Variants in MAST4 observed in about 807,000 individuals in gnomAD.
MAST4 encodes microtubule associated serine/threonine kinase family member 4.
A neutral mutation model predicts 162.7 loss-of-function variants in MAST4; 89 were observed. The observed-to-expected ratio is 0.55, with a 90% CI of 0.46 to 0.65. The LOEUF (loss-of-function observed/expected upper bound fraction) is 0.65, where lower values mean the gene tolerates loss of function less well. Ranked by LOEUF, MAST4 falls within the 30% of genes least tolerant of loss-of-function variation. MAST4 has a pLI of 0.00. For missense variants in MAST4, 3,153 were observed against 3,374.0 expected, an observed-to-expected ratio of 0.93 and a Z score of 1.62; for synonymous variants, 1,479 against 1,361.1, an observed-to-expected ratio of 1.09 and a Z score of -1.91.
intron 1 of MAST4, among the ~76,000 whole-genome samples, chr5:66,648,077 T>TGA (rs1347864859): frequency 1.0e-5 from 1 of 99,000 alleles, no homozygotes; most frequent in Non-Finnish European, 2.0e-5. Context: ...TGTGTGTGTG[T>TGA]GTGTGTGAGA....
At chr5:67,043,228 G>T (rs1756978235) in intron 4 of MAST4, among the ~76,000 whole-genome samples, 2 of 152,292 alleles carry the variant, frequency 1.3e-5, no homozygotes, top group South Asian at 4.1e-4. Flanking sequence ...AAATTAAATA[G>T]TTCTAGTGGT....
chr5:67,012,454 A>G (rs1752804451), intron 4 of MAST4, among the ~76,000 whole-genome samples: 1 of 152,176 alleles, frequency 6.6e-6, no homozygotes, highest in South Asian at 2.1e-4. Flanking sequence ...TGTTAATCTG[A>G]GCTGTCTTCA....
chr5:66,869,313 G>A (rs1233855426), intron 3 of MAST4, among the ~76,000 whole-genome samples: 2 of 152,166 alleles, frequency 1.3e-5, no homozygotes, highest in African/African-American at 4.8e-5. Context: ...TATTTCTCAT[G>A]TGAAAACTCT....
intron 4 of MAST4, among the ~76,000 whole-genome samples, chr5:66,901,305 GT>G (rs1561428138): frequency 6.6e-6 from 1 of 150,886 alleles, no homozygotes; most frequent in African/African-American, 2.4e-5. Flanking sequence ...CATGGGTTTT[GT>G]TTTTTGTTTC....
intron 4 of MAST4, among the ~76,000 whole-genome samples, chr5:66,941,490 A>G (rs1182243822): frequency 1.3e-5 from 2 of 152,118 alleles, no homozygotes; most frequent in Non-Finnish European, 2.9e-5. Context: ...CGTAGAATTG[A>G]AGAGAATTAA....
chr5:67,001,544 CAG>C (rs1327442791), intron 4 of MAST4: 2 of 152,098 alleles, frequency 1.3e-5, no homozygotes, highest in Admixed American at 6.5e-5. Context: ...TCTCAAAATG[CAG>C]AGAGTGGAGG....
intron 5 of MAST4, among the ~76,000 whole-genome samples, chr5:67,078,186 A>G (rs1761908451): frequency 6.6e-6 from 1 of 152,154 alleles, no homozygotes; most frequent in South Asian, 2.1e-4. Flanking sequence ...CCAAACAGAT[A>G]AAACACCTAA....
chr5:66,705,215 A>G (rs1750053287), intron 1 of MAST4, among the ~76,000 whole-genome samples: 1 of 152,236 alleles, frequency 6.6e-6, no homozygotes, highest in Non-Finnish European at 1.5e-5. Flanking sequence ...ACTTGAGATT[A>G]TCTAAAGACT....
At chr5:66,797,836 G>A (rs1379427923) in intron 3 of MAST4, among the ~76,000 whole-genome samples, 1 of 152,170 alleles carries the variant, frequency 6.6e-6, no homozygotes, top group Non-Finnish European at 1.5e-5. Context: ...GTAGATAAAG[G>A]TGGACAGTGC....
intron 1 of MAST4, among the ~76,000 whole-genome samples, chr5:66,683,916 G>A (rs1453234044): frequency 2.6e-5 from 4 of 152,324 alleles, no homozygotes; most frequent in African/African-American, 9.6e-5. Flanking sequence ...TGTTCTTCAG[G>A]ATGAAAGAAA....
intron 3 of MAST4, among the ~76,000 whole-genome samples, chr5:66,893,400 CTT>C (rs1316663799): frequency 7.2e-6 from 1 of 138,166 alleles, no homozygotes; most frequent in Admixed American, 7.5e-5. Flanking sequence ...GTGTGTGTGT[CTT>C]TTTTTTGGTA....
chr5:66,759,786 A>G lies in MAST4; in HGVS notation c.441A>G (p.Lys147=). ...CAGATGTGGCTTCTGGCCCTGGAAA[A>G]TCACTGAAGTATAAAAGACAGCTGA... The part of the protein sequence containing the change: ...SNPDVASGPG[K]SLKYKRQLSE... Residue 147 remains lysine (K), a synonymous_variant, in exon 2 of 29, where the codon AAA becomes AAG. Coordinates refer to ENST00000403625, the MANE Select transcript of MAST4 (RefSeq NM_001164664.2). The G allele has an allele frequency of 1.2e-6, 2 of 1,613,928 alleles. No individual in the cohort carries two copies. The highest frequency in any genetic ancestry group is 1.7e-6 in the Non-Finnish European group (2 of 1,179,874).
rs1402178117 is a variant in MAST4 at position 66,765,350 on chromosome 5, T to G, written c.517+5488T>G. On this transcript the variant is annotated intron_variant, in intron 2 of 28. Transcript: ENST00000403625. Reference sequence around the variant, plus strand: ...GTCACTGATATAAAATGGTGTAGTATTTGCATGTAACCTATGCATATCCTC... The same window carrying G: ...GTCACTGATATAAAATGGTGTAGTAGTTGCATGTAACCTATGCATATCCTC... Among the ~76,000 whole-genome samples, 3 of 152,308 alleles carry G rather than the reference T, an allele frequency of 2.0e-5. No individual in the cohort carries two copies. The East Asian group carries it at 5.8e-4, about 29-fold the overall frequency.
At chr5:67,023,149 A>G (rs948952747) in intron 4 of MAST4, among the ~76,000 whole-genome samples, 2 of 152,192 alleles carry the variant, frequency 1.3e-5, no homozygotes, top group African/African-American at 4.8e-5. Flanking sequence ...GGTTCAGCAG[A>G]TATTCTAAAT....
At chr5:66,655,267 G>C (rs1024297759) in intron 1 of MAST4, among the ~76,000 whole-genome samples, 3 of 152,072 alleles carry the variant, frequency 2.0e-5, no homozygotes, top group Non-Finnish European at 2.9e-5. Context: ...GGGGTTCATG[G>C]GATTTTCATA....
At chr5:66,667,695 C>T (rs567477280) in intron 1 of MAST4, among the ~76,000 whole-genome samples, 2 of 152,140 alleles carry the variant, frequency 1.3e-5, no homozygotes, top group African/African-American at 2.4e-5. Context: ...TTACTGCAGA[C>T]GGACTGAAAT....
chr5:67,030,370 T>G (rs145990904), intron 4 of MAST4, among the ~76,000 whole-genome samples: 312 of 152,280 alleles, frequency 2.0e-3, no homozygotes, highest in Middle Eastern at 0.014. Flanking sequence ...TAGCACTGAA[T>G]GAGAGCTCTG....
intron 1 of MAST4, among the ~76,000 whole-genome samples, chr5:66,635,473 T>C (rs1371679986): frequency 3.3e-5 from 5 of 152,224 alleles, no homozygotes. Flanking sequence ...GAAAAATGTT[T>C]TCTAGGATAT....
At chr5:66,611,230 G>A (rs758940815) in intron 1 of MAST4, among the ~76,000 whole-genome samples, 1 of 152,154 alleles carries the variant, frequency 6.6e-6, no homozygotes, top group Non-Finnish European at 1.5e-5. Context: ...TCAGATAGTG[G>A]GATAGCTCCT....
Sources: gnomAD v4.1 joint callset for allele counts (sites outside exome capture counted in the v4.1 genomes callset) on GRCh38, gnomAD v4.1.1 for gene constraint, MANE v1.5 for transcripts, NCBI Gene and HGNC (gene_info 2026-07-23, HGNC 2026-07-21) for gene names.